Variants in WWOX observed in about 807,000 individuals in gnomAD.
The protein encoded by WWOX is WW domain-containing oxidoreductase.
In WWOX, 69 loss-of-function variants were observed where a neutral mutation model predicts 46.2. That is an observed-to-expected ratio of 1.49 (90% CI 1.23 to 1.82). The LOEUF is 1.82. WWOX is among the 40% of genes most tolerant of loss of function. WWOX has a pLI of 0.00. For synonymous variants in WWOX, 359 were observed against 202.6 expected (o/e 1.77, Z -6.56); for missense variants, 919 against 542.6 (o/e 1.69, Z -6.89).
chr16:78,769,450 A>C (rs2050008977), intron 8 of WWOX, among the ~76,000 whole-genome samples: 1 of 152,152 alleles, frequency 6.6e-6, no homozygotes, highest in Non-Finnish European at 1.5e-5. Flanking sequence ...TAAACAAAGC[A>C]AAGTCCTTGC....
At chr16:78,438,183 A>G (rs901299897) in intron 8 of WWOX, among the ~76,000 whole-genome samples, 2 of 152,186 alleles carry the variant, frequency 1.3e-5, no homozygotes, top group Non-Finnish European at 2.9e-5. Context: ...TTAATTTCTC[A>G]TAATTTCTGT....
chr16:78,504,911 A>G (rs1265425718), intron 8 of WWOX, among the ~76,000 whole-genome samples: 1 of 152,190 alleles, frequency 6.6e-6, no homozygotes, highest in Non-Finnish European at 1.5e-5. Context: ...ATTAATTAAT[A>G]TAAATAATGA....
At chr16:78,432,835 G>T (rs961850543) in intron 8 of WWOX, 83 bp downstream of exon 8, 210 of 1,598,492 alleles carry the variant, frequency 1.3e-4, no homozygotes, top group Non-Finnish European at 1.6e-4. Context: ...TTTACCTCTT[G>T]CGGGCATGAG....
In WWOX at chr16:78,547,144, A is replaced by AC. The variant is rs1567635715; in HGVS notation, c.1056+114392_1056+114393insC. ...TTGTCTCAGAAAAAAAAAAAAAAAA[A>AC]AAAAAAAAAAAAAAACAACTACCAG... On this transcript the variant is annotated intron_variant, in intron 8 of 8. Transcript: ENST00000566780. 2.1e-3 allele frequency among the ~76,000 whole-genome samples: 312 copies of AC among 146,122 alleles called. 1 individual carries two copies. Among genetic ancestry groups the AC allele is most frequent in the East Asian group, 4.8e-3 (24 of 5,002 alleles).
At chr16:78,698,842 C>A (rs118137774) in intron 8 of WWOX, among the ~76,000 whole-genome samples, 1,955 of 152,208 alleles carry the variant, frequency 0.013, 18 homozygotes, top group South Asian at 0.036. Context: ...CATGGTGAGA[C>A]CCTGTCTCTA....
chr16:78,175,082 G>A (rs1293690483), intron 5 of WWOX, among the ~76,000 whole-genome samples: 1 of 151,900 alleles, frequency 6.6e-6, no homozygotes, highest in Non-Finnish European at 1.5e-5. Flanking sequence ...TAAGGAGCAG[G>A]GGGCCCCTTC....
chr16:78,863,012 G>T (rs1172895778), intron 8 of WWOX, among the ~76,000 whole-genome samples: 1 of 146,330 alleles, frequency 6.8e-6, no homozygotes, highest in Non-Finnish European at 1.5e-5. Context: ...AGGGTGGAGT[G>T]CAGTGGTGCA....
chr16:78,639,186 C>G (rs143052971), intron 8 of WWOX, among the ~76,000 whole-genome samples: 1 of 152,108 alleles, frequency 6.6e-6, no homozygotes, highest in African/African-American at 2.4e-5. Flanking sequence ...GACTTGACTC[C>G]CAGGATGTAC....
chr16:78,892,994 G>A (rs1302968183), intron 8 of WWOX, among the ~76,000 whole-genome samples: 3 of 152,090 alleles, frequency 2.0e-5, no homozygotes, highest in African/African-American at 7.2e-5. Flanking sequence ...TCCTTCAAGA[G>A]CGACAGCAGG....
chr16:78,699,337 T>C (rs2048164108), intron 8 of WWOX, among the ~76,000 whole-genome samples: 1 of 149,146 alleles, frequency 6.7e-6, no homozygotes, highest in South Asian at 2.1e-4. Flanking sequence ...AGTTTGAGAC[T>C]GGGCAACATG....
intron 8 of WWOX, among the ~76,000 whole-genome samples, chr16:78,988,017 G>T (rs1489918182): frequency 2.0e-5 from 3 of 152,042 alleles, no homozygotes; most frequent in Non-Finnish European, 2.9e-5. Flanking sequence ...TTATAAAGGG[G>T]GGGTGGTCAA....
intron 8 of WWOX, chr16:78,897,015 G>T (rs1005565717): frequency 6.6e-6 from 1 of 151,194 alleles, no homozygotes; most frequent in Non-Finnish European, 1.5e-5. Flanking sequence ...ACCACTTGAG[G>T]CCAGGAGTTT....
chr16:79,028,997 T>C (rs1464438047), intron 8 of WWOX, among the ~76,000 whole-genome samples: 1 of 151,882 alleles, frequency 6.6e-6, no homozygotes, highest in Admixed American at 6.5e-5. Flanking sequence ...TCCATGTCTT[T>C]GAAAAATAAG....
chr16:78,156,514 G>C (rs114021549), intron 4 of WWOX, among the ~76,000 whole-genome samples: 1 of 152,196 alleles, frequency 6.6e-6, no homozygotes, highest in Non-Finnish European at 1.5e-5. Flanking sequence ...TTAGCAGTCT[G>C]CAAGAACCAT....
intron 5 of WWOX, among the ~76,000 whole-genome samples, chr16:78,384,657 T>C (rs80069196): frequency 0.023 from 3,466 of 152,176 alleles, 138 homozygotes; most frequent in African/African-American, 0.079. Context: ...CGTGTGGGCG[T>C]TTTCCCCTTT....
At chr16:78,588,731 C>G (rs371184933) in intron 8 of WWOX, among the ~76,000 whole-genome samples, 3 of 152,268 alleles carry the variant, frequency 2.0e-5, no homozygotes, top group East Asian at 1.9e-4. Flanking sequence ...CACTTATTGA[C>G]GTAGCATCAC....
chr16:79,007,242 A>C (rs990915946), intron 8 of WWOX, among the ~76,000 whole-genome samples: 1 of 152,188 alleles, frequency 6.6e-6, no homozygotes, highest in African/African-American at 2.4e-5. Flanking sequence ...TGAAATAAAA[A>C]AGGTTCTTTG....
chr16:78,910,860 G>T (rs887444852), intron 8 of WWOX, among the ~76,000 whole-genome samples: 1 of 151,972 alleles, frequency 6.6e-6, no homozygotes, highest in African/African-American at 2.4e-5. Flanking sequence ...TATAATTCAA[G>T]ATGAGATTTG....
chr16:78,747,250 A>T (rs1190479449), intron 8 of WWOX, among the ~76,000 whole-genome samples: 2 of 144,874 alleles, frequency 1.4e-5, no homozygotes, highest in Non-Finnish European at 3.0e-5. Context: ...GGAGTGCAGT[A>T]GCACGATCTC....
Sources: gnomAD v4.1 joint callset for allele counts (sites outside exome capture counted in the v4.1 genomes callset) on GRCh38, gnomAD v4.1.1 for gene constraint, MANE v1.5 for transcripts, NCBI Gene and HGNC (gene_info 2026-07-23, HGNC 2026-07-21) for gene names.